Variants in PCDH9 observed in about 807,000 individuals in gnomAD.
PCDH9 encodes the protein protocadherin-9.
In PCDH9, 24 loss-of-function variants were observed where a neutral mutation model predicts 70.6. The observed-to-expected ratio is 0.34, with a 90% CI of 0.25 to 0.48. The LOEUF (loss-of-function observed/expected upper bound fraction) is 0.48. PCDH9 is among the 20% of genes least tolerant of loss of function. The pLI, the probability that PCDH9 is intolerant of heterozygous loss-of-function variation, is 0.99. For missense variants in PCDH9, 1,281 were observed against 1,503.6 expected, an observed-to-expected ratio of 0.85 and a Z score of 2.45; for synonymous variants, 562 against 558.5, an observed-to-expected ratio of 1.01 and a Z score of -0.09.
chr13:66,619,796 T>C (rs1460210703), intron 4 of PCDH9, among the ~76,000 whole-genome samples: 1 of 152,078 alleles, frequency 6.6e-6, no homozygotes, highest in African/African-American at 2.4e-5. Flanking sequence ...ATTTTCTGGC[T>C]GTACATTCTT....
intron 3 of PCDH9, among the ~76,000 whole-genome samples, chr13:66,868,119 T>C (rs2139499382): frequency 6.6e-6 from 1 of 152,110 alleles, no homozygotes; most frequent in East Asian, 1.9e-4. Flanking sequence ...TGATTCAAAT[T>C]TCACTGATAT....
At chr13:66,830,044 G>A (rs923255666) in intron 3 of PCDH9, among the ~76,000 whole-genome samples, 4 of 151,656 alleles carry the variant, frequency 2.6e-5, no homozygotes, top group African/African-American at 4.8e-5. Flanking sequence ...TTACAAAAAC[G>A]TCAATAAAAC....
At chr13:67,006,065 A>C (rs1466691181) in intron 2 of PCDH9, among the ~76,000 whole-genome samples, 1 of 152,188 alleles carries the variant, frequency 6.6e-6, no homozygotes, top group Non-Finnish European at 1.5e-5. Context: ...TCTCCATTAA[A>C]TATACAAAAA....
At chr13:66,765,027 GCTCT>G (rs759450518) in intron 3 of PCDH9, among the ~76,000 whole-genome samples, 4 of 144,112 alleles carry the variant, frequency 2.8e-5, no homozygotes, top group Non-Finnish European at 4.6e-5. Flanking sequence ...TTTCTCTTTC[GCTCT>G]CTCTCTTTCT....
intron 2 of PCDH9, among the ~76,000 whole-genome samples, chr13:66,916,098 A>G (rs1357993459): frequency 6.6e-6 from 1 of 151,710 alleles, no homozygotes; most frequent in East Asian, 1.9e-4. Flanking sequence ...ATATTCAGAG[A>G]TCATTGAATG....
intron 4 of PCDH9, among the ~76,000 whole-genome samples, chr13:66,370,818 A>G (rs990265653): frequency 3.9e-5 from 6 of 151,906 alleles, no homozygotes; most frequent in African/African-American, 1.5e-4. Context: ...TTGGCCTCCT[A>G]TTGCCATAGT....
At chr13:66,837,943 A>C (rs1240401300) in intron 3 of PCDH9, among the ~76,000 whole-genome samples, 2 of 152,220 alleles carry the variant, frequency 1.3e-5, no homozygotes, top group African/African-American at 4.8e-5. Context: ...AATGGTAATA[A>C]GAAGATGATA....
chr13:66,926,206 T>C (rs1403692371), intron 2 of PCDH9, among the ~76,000 whole-genome samples: 2 of 152,044 alleles, frequency 1.3e-5, no homozygotes, highest in African/African-American at 4.8e-5. Flanking sequence ...TTTAGATTCA[T>C]TAAATGATGT....
chr13:67,037,710 A>T (rs920576642), intron 2 of PCDH9, among the ~76,000 whole-genome samples: 1 of 152,198 alleles, frequency 6.6e-6, no homozygotes, highest in African/African-American at 2.4e-5. Context: ...ATATATTTTG[A>T]AAGTTCTTTT....
At chr13:66,585,654 T>C (rs1593730789) in intron 4 of PCDH9, among the ~76,000 whole-genome samples, 1 of 152,218 alleles carries the variant, frequency 6.6e-6, no homozygotes, top group Non-Finnish European at 1.5e-5. Flanking sequence ...GAAAATCTAA[T>C]GACACTAACA....
chr13:67,229,166 C>T (rs1393951179), intron 1 of PCDH9, among the ~76,000 whole-genome samples: 7 of 152,254 alleles, frequency 4.6e-5, no homozygotes, highest in Admixed American at 4.6e-4. Context: ...TACACATCCT[C>T]ATTGCCTAAA....
chr13:66,885,309 T>C (rs1316552612), intron 3 of PCDH9, among the ~76,000 whole-genome samples: 1 of 152,188 alleles, frequency 6.6e-6, no homozygotes, highest in Non-Finnish European at 1.5e-5. Context: ...GTGTAGGATC[T>C]GTCTCAAGCT....
At position 67,228,246 on chromosome 13, in the gene PCDH9, T is replaced by C; in HGVS notation, c.195A>G (p.Arg65=). Residue 65 remains arginine (R), a synonymous_variant, in exon 2 of 5, where the codon AGA becomes AGG. Transcript: ENST00000377865. ...GGGCATCCCCAGCTTTAGAAACCAG[T>C]CTGTAGACAAGGCTGGCGCTGGTCC... ...ATGTSASLVY[R]LVSKAGDAPL... 1 of 1,612,946 alleles carries C rather than the reference T, an allele frequency of 6.2e-7. No homozygotes were observed. Among genetic ancestry groups the C allele is most frequent in the Non-Finnish European group, 8.5e-7 (1 of 1,179,528 alleles).
intron 2 of PCDH9, among the ~76,000 whole-genome samples, chr13:67,045,480 C>T (rs183984978): frequency 1.3e-4 from 20 of 152,134 alleles, no homozygotes; most frequent in Admixed American, 9.2e-4. Context: ...TCTCTCTCCA[C>T]CTCTCATTTC....
At chr13:67,145,869 C>T (rs2087511252) in intron 2 of PCDH9, among the ~76,000 whole-genome samples, 1 of 152,034 alleles carries the variant, frequency 6.6e-6, no homozygotes, top group African/African-American at 2.4e-5. Flanking sequence ...GATGATATAT[C>T]TGTCAATAAA....
intron 4 of PCDH9, among the ~76,000 whole-genome samples, chr13:66,503,988 G>A (rs954483941): frequency 5.3e-5 from 8 of 152,190 alleles, no homozygotes; most frequent in Non-Finnish European, 1.2e-4. Context: ...GTAACTACGT[G>A]TCCAACTTCA....
intron 2 of PCDH9, among the ~76,000 whole-genome samples, chr13:66,999,414 T>C (rs1228429889): frequency 6.6e-6 from 1 of 152,208 alleles, no homozygotes; most frequent in African/African-American, 2.4e-5. Flanking sequence ...CTTTGAATTT[T>C]TAAACTAAAT....
At chr13:66,469,543 G>A (rs1236154191) in intron 4 of PCDH9, among the ~76,000 whole-genome samples, 1 of 151,994 alleles carries the variant, frequency 6.6e-6, no homozygotes, top group Non-Finnish European at 1.5e-5. Flanking sequence ...GTAACCAAAT[G>A]CTGCAAAATG....
intron 4 of PCDH9, among the ~76,000 whole-genome samples, chr13:66,315,155 G>A (rs1955629731): frequency 6.6e-6 from 1 of 152,162 alleles, no homozygotes; most frequent in Admixed American, 6.5e-5. Flanking sequence ...CACAACAGGT[G>A]TCTCTGTCCT....
Sources: allele counts gnomAD v4.1 joint callset (sites outside exome capture counted in the v4.1 genomes callset), GRCh38; gene constraint gnomAD v4.1.1; transcripts MANE v1.5; gene names NCBI Gene and HGNC (gene_info 2026-07-23, HGNC 2026-07-21).